Variants in MACROH2A1 observed in about 807,000 individuals in gnomAD.
MACROH2A1 encodes the protein core histone macro-H2A.1.
A neutral mutation model predicts 31.6 loss-of-function variants in MACROH2A1; 2 were observed. That is an observed-to-expected ratio of 0.06 (90% CI 0.03 to 0.20). The LOEUF (loss-of-function observed/expected upper bound fraction) is 0.20. MACROH2A1 is among the 10% of genes least tolerant of loss of function. The pLI, the probability that MACROH2A1 is intolerant of heterozygous loss-of-function variation, is 1.00. For synonymous variants in MACROH2A1, 169 were observed against 189.6 expected (o/e 0.89, Z 0.89); for missense variants, 230 against 474.0 (o/e 0.49, Z 4.78).
chr5:135,374,193 T>C (rs1764555637), intron 2 of MACROH2A1, among the ~76,000 whole-genome samples: 1 of 152,116 alleles, frequency 6.6e-6, no homozygotes, highest in Non-Finnish European at 1.5e-5. Flanking sequence ...GAAAAAGCCA[T>C]CGTAAAGGGC....
intron 2 of MACROH2A1, among the ~76,000 whole-genome samples, chr5:135,380,643 G>A (rs535664914): frequency 3.9e-5 from 6 of 152,180 alleles, no homozygotes; most frequent in African/African-American, 1.4e-4. Context: ...GTCTAGGGGT[G>A]TTGAGGGATT....
At chr5:135,395,595 A>C (rs985001616) in intron 1 of MACROH2A1, among the ~76,000 whole-genome samples, 3 of 152,222 alleles carry the variant, frequency 2.0e-5, no homozygotes, top group Admixed American at 6.5e-5. Flanking sequence ...TCCTGTTTAC[A>C]GCATTCTCTT....
chr5:135,370,516 T>A (rs1264520009), intron 2 of MACROH2A1, among the ~76,000 whole-genome samples: 2 of 150,012 alleles, frequency 1.3e-5, no homozygotes, highest in Non-Finnish European at 2.9e-5. Context: ...AAGTCCTCAG[T>A]GTGGTCCCTG....
chr5:135,388,835 T>C (rs1766792006), intron 2 of MACROH2A1, 87 bp downstream of exon 2: 2 of 1,163,134 alleles, frequency 1.7e-6, no homozygotes, highest in Middle Eastern at 2.0e-4. Context: ...TGTTTCAAAA[T>C]AAAAGAAACA....
intron 1 of MACROH2A1, among the ~76,000 whole-genome samples, chr5:135,393,856 A>G (rs1767588562): frequency 6.6e-6 from 1 of 152,224 alleles, no homozygotes; most frequent in South Asian, 2.1e-4. Flanking sequence ...CACAATAAAC[A>G]TTAACTTTGT....
At chr5:135,338,052 T>A (rs1759102680) in intron 8 of MACROH2A1, 1 of 1,104,000 alleles carries the variant, frequency 9.1e-7, no homozygotes, top group Non-Finnish European at 1.1e-6. Flanking sequence ...GGCCTCAAAA[T>A]GTCTTGCTGC....
intron 4 of MACROH2A1, among the ~76,000 whole-genome samples, chr5:135,364,279 T>C (rs1351304702): frequency 6.6e-6 from 1 of 151,464 alleles, no homozygotes; most frequent in East Asian, 1.9e-4. Context: ...TTAGGAGAAA[T>C]ACCTAATGTA....
chr5:135,389,214 C>A, intron 1 of MACROH2A1, 88 bp from the exon 2 acceptor site: 1 of 959,060 alleles, frequency 1.0e-6, no homozygotes, highest in East Asian at 2.7e-5. Context: ...TGGAAGGCCC[C>A]AGGCCTGCCT....
chr5:135,362,526 A>T (rs1233401812), intron 4 of MACROH2A1: 1 of 152,208 alleles, frequency 6.6e-6, no homozygotes, highest in Admixed American at 6.5e-5. Context: ...CCAGACATTC[A>T]TACCTAGAAA....
chr5:135,370,525 T>G (rs1343693417), intron 2 of MACROH2A1, among the ~76,000 whole-genome samples: 1 of 146,508 alleles, frequency 6.8e-6, no homozygotes, highest in Non-Finnish European at 1.5e-5. Context: ...GTGTGGTCCC[T>G]GAGAGTATAC....
chr5:135,360,730 C>T (rs1360371691), intron 4 of MACROH2A1, 123 bp from the exon 5 acceptor site: 1 of 736,286 alleles, frequency 1.4e-6, no homozygotes, highest in Non-Finnish European at 2.4e-6. Context: ...ACAACCAGTT[C>T]TCAGCGTTTC....
intron 6 of MACROH2A1, chr5:135,351,543 A>ATTTTTTTTTTTTTTTTTTTTTTTTTTTTT (rs57605717): frequency 2.1e-5 from 1 of 48,480 alleles, no homozygotes; most frequent in Non-Finnish European, 4.0e-5. Context: ...TTATGGTTTA[A>ATTTTTTTTTTTTTTTTTTTTTTTTTTTTT]TTTTTTTTTT....
chr5:135,375,262 A>T (rs1764706797), intron 2 of MACROH2A1, among the ~76,000 whole-genome samples: 1 of 152,216 alleles, frequency 6.6e-6, no homozygotes, highest in African/African-American at 2.4e-5. Context: ...TCAGAGCTGC[A>T]AGCCCTGCAG....
intron 4 of MACROH2A1, chr5:135,362,710 T>G (rs1762991507): frequency 6.6e-6 from 1 of 152,220 alleles, no homozygotes; most frequent in African/African-American, 2.4e-5. Context: ...CATTTGTCAG[T>G]TTGATCAATT....
chr5:135,364,182 T>C lies in MACROH2A1; in HGVS notation c.478-3575A>G, dbSNP rs541280119. Among the ~76,000 whole-genome samples the C allele has an allele frequency of 7.2e-5, 11 of 152,238 alleles. 1 individual carries two copies. Among genetic ancestry groups the C allele is most frequent in the South Asian group, 4.2e-4 (2 of 4,816 alleles). On this transcript the variant is annotated intron_variant, in intron 4 of 8. Coordinates refer to ENST00000511689, the MANE Select transcript of MACROH2A1 (RefSeq NM_138610.3). ...GCATGTTCTCACTCATAGGTGGGAA[T>C]TGAATAATGAGAACACTTAGACACA...
chr5:135,350,983 GC>G, intron 6 of MACROH2A1: 1 of 1,029,342 alleles, frequency 9.7e-7, no homozygotes, highest in Non-Finnish European at 1.5e-6. Context: ...ATTTACTAAT[GC>G]CCCAATGGCA....
intron 5 of MACROH2A1, chr5:135,356,556 G>A (rs559568167): frequency 4.6e-5 from 7 of 152,268 alleles, no homozygotes; most frequent in African/African-American, 1.4e-4. Flanking sequence ...GCCCCTGCTT[G>A]CTTTCCTTTA....
Position 135,346,140 on chromosome 5 carries a change from C to T in MACROH2A1, c.689-83G>A, listed in dbSNP as rs375288046. The T allele has an allele frequency of 1.9e-4, 155 of 826,558 alleles. No individual in the cohort carries two copies. The African/African-American group carries it at 2.1e-3, about 11-fold the overall frequency. 51.2% of individuals were successfully genotyped at this position (826,558 alleles called of 1,614,324 possible). A position where few individuals can be genotyped will look rare whatever the true frequency, so the allele number is the denominator to read the frequency against. On this transcript the variant is annotated intron_variant, in intron 6 of 8. Transcript: ENST00000511689. The stretch of plus-strand genomic sequence containing the variant: ...ACTTAGCATGTCAGGTGATTACATA[C>T]TTCAAATGATCTATTAAATTTCCAT...
chr5:135,382,857 G>A (rs370334712), intron 2 of MACROH2A1, among the ~76,000 whole-genome samples: 7 of 152,176 alleles, frequency 4.6e-5, no homozygotes, highest in African/African-American at 1.4e-4. Context: ...TCATGTTTAC[G>A]CTCTCCTGAA....
Sources: allele counts gnomAD v4.1 joint callset (sites outside exome capture counted in the v4.1 genomes callset), GRCh38; gene constraint gnomAD v4.1.1; transcripts MANE v1.5; gene names NCBI Gene and HGNC (gene_info 2026-07-23, HGNC 2026-07-21).